The following ADGRV1 variants were observed in gnomAD, a reference collection of about 807,000 sequenced individuals.
ADGRV1 encodes the protein adhesion G protein-coupled receptor V1, also known as G-protein coupled receptor 98.
ADGRV1 carries 359 observed loss-of-function variants against 596.2 expected under a neutral mutation model. The ratio of observed to expected loss-of-function variants is 0.60; its 90% CI spans 0.55 to 0.66. The LOEUF (loss-of-function observed/expected upper bound fraction) is 0.66. Among genes scored for constraint, ADGRV1 ranks in the 30% least tolerant of loss-of-function variants. The pLI is 0.00. For synonymous variants in ADGRV1, 2,681 were observed against 2,679.2 expected (o/e 1.00, Z -0.02); for missense variants, 7,274 against 7,575.6 (o/e 0.96, Z 1.48).
chr5:91,044,652 A>G (rs1269956091), intron 85 of ADGRV1, among the ~76,000 whole-genome samples: 3 of 152,152 alleles, frequency 2.0e-5, no homozygotes, highest in Admixed American at 1.3e-4. Context: ...GCAGAATTGC[A>G]CTTGCTTTGA....
intron 85 of ADGRV1, among the ~76,000 whole-genome samples, chr5:91,010,687 G>A (rs1387902470): frequency 6.6e-6 from 1 of 151,878 alleles, no homozygotes; most frequent in Non-Finnish European, 1.5e-5. Context: ...GAAACCTTCT[G>A]TAAATTTTCT....
intron 1 of ADGRV1, among the ~76,000 whole-genome samples, chr5:90,561,839 G>A (rs908379699): frequency 6.6e-6 from 1 of 152,174 alleles, no homozygotes; most frequent in African/African-American, 2.4e-5. Flanking sequence ...ACCATGGAGA[G>A]ATTTGGATGT....
Position 90,618,066 on chromosome 5 carries a change from G to A in ADGRV1, c.357+113G>A, listed in dbSNP as rs1371164293. ...TAGAGATGAGCCAATTCAGATAACT[G>A]GTGGTGGTATTCATAGAATCCAGAA... On this transcript the variant is annotated intron_variant, in intron 3 of 89. Transcript: ENST00000405460. 4 of 698,722 alleles carry A rather than the reference G, an allele frequency of 5.7e-6. No individual in the cohort carries two copies. The Admixed American group carries it at 1.3e-4, about 23-fold the overall frequency. 43.3% of individuals were successfully genotyped at this position (698,722 alleles called of 1,614,324 possible).
chr5:90,771,897 T>C (rs930610949), intron 59 of ADGRV1, among the ~76,000 whole-genome samples: 4 of 152,190 alleles, frequency 2.6e-5, no homozygotes, highest in African/African-American at 9.6e-5. Flanking sequence ...TTTGAATCTC[T>C]AATATTCGGA....
chr5:90,854,536 T>C (rs1766842127), intron 81 of ADGRV1, among the ~76,000 whole-genome samples: 1 of 152,236 alleles, frequency 6.6e-6, no homozygotes, highest in Admixed American at 6.5e-5. Context: ...CTTTTACCCT[T>C]TCCATCTGGG....
chr5:90,786,236 AC>A (rs1347188804), intron 67 of ADGRV1, among the ~76,000 whole-genome samples: 1 of 138,318 alleles, frequency 7.2e-6, no homozygotes, highest in Non-Finnish European at 1.5e-5. Flanking sequence ...AACATCATAC[AC>A]TGGGGCCTAT....
chr5:91,160,771 G>A (rs1261779872), intron 89 of ADGRV1, among the ~76,000 whole-genome samples: 1 of 152,168 alleles, frequency 6.6e-6, no homozygotes, highest in Non-Finnish European at 1.5e-5. Flanking sequence ...GTCTCGGCAT[G>A]TTATACTTGT....
intron 70 of ADGRV1, among the ~76,000 whole-genome samples, chr5:90,795,097 T>G (rs1267340021): frequency 1.0e-4 from 15 of 150,708 alleles, no homozygotes; most frequent in African/African-American, 3.4e-4. Flanking sequence ...TTTTTTTTTT[T>G]TTTTTTTTTT....
intron 83 of ADGRV1, among the ~76,000 whole-genome samples, chr5:90,934,751 G>T (rs1428289634): frequency 6.6e-6 from 1 of 152,212 alleles, no homozygotes; most frequent in African/African-American, 2.4e-5. Flanking sequence ...ATTTCTCGCA[G>T]TTCCGGAGGC....
chr5:90,760,104 C>G (rs1235799354), intron 58 of ADGRV1: 1 of 151,970 alleles, frequency 6.6e-6, no homozygotes, highest in African/African-American at 2.4e-5. Flanking sequence ...GAAACCCCGT[C>G]TCTACTAAAA....
intron 70 of ADGRV1, among the ~76,000 whole-genome samples, chr5:90,801,881 T>G (rs1761413921): frequency 6.6e-6 from 1 of 152,244 alleles, no homozygotes; most frequent in African/African-American, 2.4e-5. Flanking sequence ...AGATTCCCCC[T>G]ATTTTGTTGG....
At chr5:91,125,415 G>A (rs1316962086) in intron 87 of ADGRV1, among the ~76,000 whole-genome samples, 2 of 152,138 alleles carry the variant, frequency 1.3e-5, no homozygotes, top group East Asian at 3.8e-4. Flanking sequence ...TACAGTGAGA[G>A]CTACAGTCTG....
rs536121318 is a variant in ADGRV1, at chr5:90,576,270, C to T, written c.22+17353C>T. On this transcript the variant is annotated intron_variant, in intron 1 of 89. Transcript: ENST00000405460. ...TAATGCTATCCCTCCCCCAGCCCCC[C>T]GCCCCACGACAAGCCCCAGTGTGTG... is the stretch of plus-strand genomic sequence containing the variant. Among the ~76,000 whole-genome samples the T allele has an allele frequency of 5.3e-5, 8 of 151,948 alleles. No individual in the cohort carries two copies. In the South Asian group the frequency reaches 8.3e-4, roughly 16 times the overall value.
chr5:90,790,779 T>C (rs919940727), intron 69 of ADGRV1, 94 bp from the exon 70 acceptor site: 2 of 769,942 alleles, frequency 2.6e-6, no homozygotes, highest in African/African-American at 3.5e-5. Context: ...TTATATTTTT[T>C]TTTTGTATAT....
At chr5:90,720,890 A>G (rs1171518789) in intron 44 of ADGRV1, 45 bp from the exon 45 acceptor site, 29 of 1,545,204 alleles carry the variant, frequency 1.9e-5, no homozygotes, top group Non-Finnish European at 2.6e-5. Flanking sequence ...AAATATGTAG[A>G]ATGTATACTT....
intron 1 of ADGRV1, among the ~76,000 whole-genome samples, chr5:90,582,970 A>T (rs1445304789): frequency 2.0e-5 from 3 of 152,212 alleles, no homozygotes; most frequent in African/African-American, 7.2e-5. Context: ...GGTAGTGTTA[A>T]ATTGAAAACA....
In ADGRV1 at chr5:90,810,729, T is replaced by C. The variant is rs1464860940; in HGVS notation, c.15469T>C (p.Ser5157Pro). Reference protein sequence around the residue: ...DTTLIPVETESTTYLSTSKTT... With the variant: ...DTTLIPVETEPTTYLSTSKTT... ...AACTCTCATTCCTGTAGAAACTGAA[T>C]CCACCACATACCTCAGCACAAGCAA... is the stretch of plus-strand genomic sequence containing the variant. Residue 5157 changes from serine (S) to proline (P), a missense_variant, in exon 74 of 90, where the codon TCC becomes CCC. Ser to Pro is a moderately conservative substitution (Grantham distance 74). Transcript: ENST00000405460. The C allele has an allele frequency of 1.2e-5, 20 of 1,613,736 alleles. No individual in the cohort carries two copies. Among genetic ancestry groups the C allele is most frequent in the Non-Finnish European group, 1.5e-5 (18 of 1,179,874 alleles).
intron 87 of ADGRV1, among the ~76,000 whole-genome samples, chr5:91,112,378 A>G (rs1378411958): frequency 1.3e-5 from 2 of 152,194 alleles, no homozygotes; most frequent in Non-Finnish European, 2.9e-5. Flanking sequence ...CTATGATCAC[A>G]TTTATTGCAT....
intron 85 of ADGRV1, among the ~76,000 whole-genome samples, chr5:91,036,593 G>A (rs545631156): frequency 6.6e-6 from 1 of 151,770 alleles, no homozygotes; most frequent in African/African-American, 2.4e-5. Context: ...AGGCCTGCGG[G>A]TGAGCGCCTG....
Sources: allele counts gnomAD v4.1 joint callset (sites outside exome capture counted in the v4.1 genomes callset), GRCh38; gene constraint gnomAD v4.1.1; transcripts MANE v1.5; gene names NCBI Gene and HGNC (gene_info 2026-07-23, HGNC 2026-07-21).